The following CDYL variants were observed in gnomAD, a reference collection of about 807,000 sequenced individuals.
CDYL encodes chromodomain Y-like protein.
Under a neutral mutation model 47.3 loss-of-function variants are expected in CDYL, and 8 were observed. That is an observed-to-expected ratio of 0.17 (90% CI 0.10 to 0.31). The LOEUF is 0.31. CDYL is among the 10% of genes least tolerant of loss of function. CDYL has a pLI of 1.00. For synonymous variants in CDYL, 266 were observed against 265.0 expected, an observed-to-expected ratio of 1.00 and a Z score of -0.04; for missense variants, 471 against 701.4, an observed-to-expected ratio of 0.67 and a Z score of 3.71.
chr6:4,953,213 G>A (rs1012939003), intron 6 of CDYL, among the ~76,000 whole-genome samples: 4 of 151,724 alleles, frequency 2.6e-5, no homozygotes, highest in East Asian at 3.9e-4. Flanking sequence ...GCAAAACCCC[G>A]TCTGTACTAA....
intron 2 of CDYL, among the ~76,000 whole-genome samples, chr6:4,911,456 A>G (rs1757413873): frequency 6.6e-6 from 1 of 152,238 alleles, no homozygotes; most frequent in Non-Finnish European, 1.5e-5. Flanking sequence ...GCCCTAGGTC[A>G]TTAGGAAAGT....
chr6:4,767,972 A>G (rs1464575346), intron 3 of CDYL, among the ~76,000 whole-genome samples: 4 of 152,252 alleles, frequency 2.6e-5, no homozygotes, highest in Admixed American at 6.5e-5. Context: ...TTTAAAAAAT[A>G]TAAGTCAGAT....
chr6:4,907,500 G>A (rs962377629), intron 2 of CDYL, among the ~76,000 whole-genome samples: 7 of 152,240 alleles, frequency 4.6e-5, no homozygotes, highest in African/African-American at 1.4e-4. Context: ...GGGACTGCAG[G>A]CGTGCACCAC....
intron 1 of CDYL, among the ~76,000 whole-genome samples, chr6:4,777,959 A>G (rs1420727581): frequency 6.6e-6 from 1 of 152,218 alleles, no homozygotes; most frequent in Non-Finnish European, 1.5e-5. Flanking sequence ...TGTGGTCAGT[A>G]TACCTTAGCT....
At chr6:4,881,231 G>A (rs1277595436) in intron 1 of CDYL, among the ~76,000 whole-genome samples, 1 of 151,708 alleles carries the variant, frequency 6.6e-6, no homozygotes, top group Non-Finnish European at 1.5e-5. Flanking sequence ...TTTGGTTTTT[G>A]TTCCTCTGTT....
At chr6:4,951,099 A>G (rs1453289750) in intron 5 of CDYL, among the ~76,000 whole-genome samples, 1 of 152,162 alleles carries the variant, frequency 6.6e-6, no homozygotes, top group African/African-American at 2.4e-5. Flanking sequence ...AACGGCATCA[A>G]GACATTGACA....
chr6:4,891,853 C>T lies in CDYL; in HGVS notation c.165C>T (p.Phe55=), dbSNP rs924488456. 1 of 1,614,186 alleles carries T rather than the reference C, an allele frequency of 6.2e-7. No homozygotes were observed. The highest frequency in any genetic ancestry group is 8.5e-7 in the Non-Finnish European group (1 of 1,180,052). The change falls in exon 2 of 7, where the codon TTC becomes TTT. Residue 55 remains phenylalanine, a synonymous_variant. Transcript: ENST00000397588. ...ACTGTGAGGAATACATCCACGACTT[C>T]AACAGACGCCACACGGAGAAGCAGA... ...LVNCEEYIHD[F]NRRHTEKQKE...
intron 1 of CDYL, among the ~76,000 whole-genome samples, chr6:4,811,704 C>T (rs1435575045): frequency 6.6e-6 from 1 of 150,672 alleles, no homozygotes; most frequent in Non-Finnish European, 1.5e-5. Context: ...CTCTTGGCCT[C>T]GAGTGATCTT....
intron 6 of CDYL, among the ~76,000 whole-genome samples, chr6:4,953,535 T>G (rs1363747247): frequency 1.3e-5 from 2 of 152,202 alleles, no homozygotes; most frequent in African/African-American, 4.8e-5. Context: ...ACATTTTGTT[T>G]AGAAAAATTC....
In CDYL at chr6:4,776,712, C is replaced by CA. The variant is rs973138971; in HGVS notation, c.-69dup. 11 of 1,265,678 alleles carry CA rather than the reference C, an allele frequency of 8.7e-6. No homozygotes were observed. Among genetic ancestry groups the CA allele is most frequent in the Non-Finnish European group, 5.1e-6 (5 of 980,752 alleles). The allele number at this position is 1,265,678 out of a possible 1,614,324, so 78.4% of individuals were successfully genotyped here. On this transcript the variant is annotated 5_prime_UTR_variant, in exon 1 of 7. Coordinates refer to ENST00000397588, the MANE Select transcript of CDYL (RefSeq NM_004824.4). ...CAGGCCACGCAGGACCCAACTGAAACAAAGTGTCGGCCGCCCGGCGCCGGC... is the reference window on the plus strand; with the variant it reads ...CAGGCCACGCAGGACCCAACTGAAACAAAAGTGTCGGCCGCCCGGCGCCGGC...
intron 1 of CDYL, among the ~76,000 whole-genome samples, chr6:4,863,018 C>T (rs932576989): frequency 6.6e-6 from 1 of 152,130 alleles, no homozygotes; most frequent in Admixed American, 6.6e-5. Flanking sequence ...ATACTATACC[C>T]CCATAAAAAA....
At chr6:4,836,366 A>G (rs931055955) in intron 1 of CDYL, 46 of 590,800 alleles carry the variant, frequency 7.8e-5, no homozygotes, top group Non-Finnish European at 9.4e-5. Flanking sequence ...CCCCTAGAGG[A>G]GTTGGGATTT....
intron 1 of CDYL, among the ~76,000 whole-genome samples, chr6:4,778,023 G>C (rs1358548572): frequency 2.0e-5 from 3 of 152,016 alleles, no homozygotes; most frequent in Admixed American, 2.0e-4. Context: ...GCTGTGCCCC[G>C]CTGTATTCAG....
At position 4,790,610 on chromosome 6, in the gene CDYL, A is replaced by G. The variant is rs116473539; in HGVS notation, c.24+13803A>G. 3.7e-3 allele frequency among the ~76,000 whole-genome samples: 566 copies of G among 152,322 alleles called. 2 individuals carry two copies. Among genetic ancestry groups the G allele is most frequent in the Non-Finnish European group, 6.3e-3 (431 of 68,036 alleles). On this transcript the variant is annotated intron_variant, in intron 1 of 6. Transcript: ENST00000397588. Reference sequence around the variant, plus strand: ...TTGACTAAAGCAATGACATTTTGTAATGTAGCTTATGGAAGTAGAATAGGA... The same window carrying G: ...TTGACTAAAGCAATGACATTTTGTAGTGTAGCTTATGGAAGTAGAATAGGA...
intron 4 of CDYL, among the ~76,000 whole-genome samples, chr6:4,938,067 C>T (rs1485840023): frequency 1.3e-5 from 2 of 152,160 alleles, no homozygotes; most frequent in Non-Finnish European, 2.9e-5. Flanking sequence ...AGCCAGAGTT[C>T]CTATTATTTG....
upstream of CDYL, among the ~76,000 whole-genome samples, chr6:4,771,752 C>T (rs961323292): frequency 6.6e-6 from 1 of 152,144 alleles, no homozygotes; most frequent in Non-Finnish European, 1.5e-5. Flanking sequence ...AAGGTAAAGA[C>T]GATACTGGGA....
At chr6:4,872,324 C>CTTTT (rs56242830) in intron 1 of CDYL, among the ~76,000 whole-genome samples, 23 of 121,616 alleles carry the variant, frequency 1.9e-4, no homozygotes, top group African/African-American at 6.3e-4. Flanking sequence ...TTTGATTTGG[C>CTTTT]TTTTTTTTTT....
intron 1 of CDYL, among the ~76,000 whole-genome samples, chr6:4,827,540 G>T (rs1290062861): frequency 2.0e-5 from 3 of 152,166 alleles, no homozygotes; most frequent in Non-Finnish European, 1.5e-5. Flanking sequence ...AGCTTCAATA[G>T]CATACAAATG....
At chr6:4,843,825 C>T (rs1026423205) in intron 1 of CDYL, among the ~76,000 whole-genome samples, 1 of 152,116 alleles carries the variant, frequency 6.6e-6, no homozygotes, top group Non-Finnish European at 1.5e-5. Flanking sequence ...CTTTTTGTGG[C>T]AATTCAGAGA....
Sources: allele counts gnomAD v4.1 joint callset (sites outside exome capture counted in the v4.1 genomes callset), GRCh38; gene constraint gnomAD v4.1.1; transcripts MANE v1.5; gene names NCBI Gene and HGNC (gene_info 2026-07-23, HGNC 2026-07-21).